Variants in FRYL observed in about 807,000 individuals in gnomAD.
The protein encoded by FRYL is protein furry homolog-like.
A neutral mutation model predicts 351.2 loss-of-function variants in FRYL; 150 were observed. The ratio of observed to expected loss-of-function variants is 0.43; its 90% CI spans 0.37 to 0.49. FRYL has a LOEUF of 0.49. Ranked by LOEUF, FRYL falls within the 20% of genes least tolerant of loss-of-function variation. FRYL has a pLI of 0.00. For synonymous variants in FRYL, 1,153 were observed against 1,257.1 expected (o/e 0.92, Z 1.75); for missense variants, 3,036 against 3,619.3 (o/e 0.84, Z 4.13).
intron 3 of FRYL, among the ~76,000 whole-genome samples, chr4:48,673,301 T>C (rs547964624): frequency 8.5e-5 from 13 of 152,356 alleles, no homozygotes; most frequent in Non-Finnish European, 2.9e-5. Flanking sequence ...TTTTTTCCTA[T>C]TAAAATATAT....
intron 56 of FRYL, among the ~76,000 whole-genome samples, chr4:48,514,671 T>C (rs1305161759): frequency 6.6e-6 from 1 of 152,256 alleles, no homozygotes; most frequent in African/African-American, 2.4e-5. Context: ...ATTCAAATTG[T>C]GGTATCACGG....
At position 48,549,714 on chromosome 4, in the gene FRYL, T is replaced by G; in HGVS notation, c.4634-91A>C. ...TAAGATCCCAACTATTTATATAGTA[T>G]TGGAAAGTGATAAAAAAAATTTCCC... On this transcript the variant is annotated intron_variant, in intron 38 of 63. Transcript: ENST00000358350. The surrounding 1 kb of genome is among the most constrained non-coding windows in gnomAD (Gnocchi z 4.2). 1 of 1,036,752 alleles carries G rather than the reference T, an allele frequency of 9.6e-7. No homozygotes were observed. Among genetic ancestry groups the G allele is most frequent in the Non-Finnish European group, 1.4e-6 (1 of 730,056 alleles). 64.2% of individuals were successfully genotyped at this position (1,036,752 alleles called of 1,614,324 possible). A position where few individuals can be genotyped will look rare whatever the true frequency, so the allele number is the denominator to read the frequency against.
chr4:48,734,292 A>G (rs1482082606), intron 1 of FRYL, among the ~76,000 whole-genome samples: 1 of 152,230 alleles, frequency 6.6e-6, no homozygotes, highest in African/African-American at 2.4e-5. Flanking sequence ...ACTTCAGAGC[A>G]AGGAAAGTTC....
chr4:48,544,007 CAA>C lies in FRYL; in HGVS notation c.5402-12_5402-11del. On this transcript the variant is annotated splice_polypyrimidine_tract_variant and intron_variant, in intron 43 of 63. Coordinates refer to ENST00000358350, the MANE Select transcript of FRYL (RefSeq NM_015030.2). ...TCCAGATGAATTCCTTCTGTGAATG[CAA>C]AGGAAACGAGTAGGTTGTTCTTGTT... is the stretch of plus-strand genomic sequence containing the variant. 6.2e-7 allele frequency: 1 copy of C among 1,611,648 alleles called. No individual in the cohort carries two copies. Among genetic ancestry groups the C allele is most frequent in the Non-Finnish European group, 8.5e-7 (1 of 1,178,170 alleles).
chr4:48,567,795 A>T lies in FRYL; in HGVS notation c.2997-375T>A, dbSNP rs2149090396. 6.6e-6 allele frequency among the ~76,000 whole-genome samples: 1 copy of T among 152,364 alleles called. No individual in the cohort carries two copies. Among genetic ancestry groups the T allele is most frequent in the East Asian group, 1.9e-4 (1 of 5,190 alleles). On this transcript the variant is annotated intron_variant, in intron 27 of 63. Coordinates refer to ENST00000358350, the MANE Select transcript of FRYL (RefSeq NM_015030.2). This position sits in a 1 kb window ranked among gnomAD's most constrained non-coding sequence, Gnocchi z 4.2. ...GAGGAAAGACTAGTTCTATTTATTCATAGCTGCCATGTCTATTCATATTGT... is the reference window on the plus strand; with the variant it reads ...GAGGAAAGACTAGTTCTATTTATTCTTAGCTGCCATGTCTATTCATATTGT...
At chr4:48,530,872 C>T (rs1371498612) in intron 50 of FRYL, among the ~76,000 whole-genome samples, 1 of 152,102 alleles carries the variant, frequency 6.6e-6, no homozygotes, top group Admixed American at 6.6e-5. Flanking sequence ...TAATGTATTC[C>T]AGCCGAGTGT....
chr4:48,508,042 A>C (rs1721656244), intron 59 of FRYL, among the ~76,000 whole-genome samples: 1 of 152,224 alleles, frequency 6.6e-6, no homozygotes, highest in Non-Finnish European at 1.5e-5. Context: ...CAGACAGTAA[A>C]TATTTTAGGC....
intron 7 of FRYL, among the ~76,000 whole-genome samples, chr4:48,614,498 G>T (rs1748930074): frequency 6.6e-6 from 1 of 152,042 alleles, no homozygotes; most frequent in Admixed American, 6.5e-5. Flanking sequence ...AAGGCAAGCG[G>T]ATCACCTGAG....
intron 54 of FRYL, among the ~76,000 whole-genome samples, chr4:48,521,554 G>A (rs1397949198): frequency 1.3e-5 from 2 of 152,242 alleles, no homozygotes; most frequent in African/African-American, 4.8e-5. Context: ...ATGTGGCACG[G>A]TTAAGTGAAT....
At chr4:48,548,087 T>C (rs1731778290) in intron 40 of FRYL, among the ~76,000 whole-genome samples, 1 of 152,214 alleles carries the variant, frequency 6.6e-6, no homozygotes, top group Non-Finnish European at 1.5e-5. Context: ...GTTTTTTGTG[T>C]GCTTAGCACA....
intron 7 of FRYL, among the ~76,000 whole-genome samples, chr4:48,614,814 GCTTTTTTTTTT>G (rs1749053166): frequency 9.5e-6 from 1 of 105,072 alleles, no homozygotes; most frequent in African/African-American, 3.6e-5. Flanking sequence ...AAAGTTTAAT[GCTTTTTTTTTT>G]TTTTTTTTTT....
chr4:48,695,416 G>T (rs549140837), intron 2 of FRYL, among the ~76,000 whole-genome samples: 37 of 152,154 alleles, frequency 2.4e-4, no homozygotes, highest in African/African-American at 8.4e-4. Flanking sequence ...ATGATTACAG[G>T]TAAAAATCAA....
At chr4:48,593,248 T>C (rs1320111081) in intron 16 of FRYL, among the ~76,000 whole-genome samples, 4 of 110,548 alleles carry the variant, frequency 3.6e-5, no homozygotes, top group Admixed American at 1.1e-4. Flanking sequence ...ATATAAACAA[T>C]GTGAAGTAAA....
intron 1 of FRYL, among the ~76,000 whole-genome samples, chr4:48,718,444 G>T (rs1769109698): frequency 6.6e-6 from 1 of 151,350 alleles, no homozygotes; most frequent in South Asian, 2.1e-4. Flanking sequence ...CCAACTGCAG[G>T]TATATTATAT....
At chr4:48,753,559 T>C (rs571604128) in intron 1 of FRYL, among the ~76,000 whole-genome samples, 3 of 152,310 alleles carry the variant, frequency 2.0e-5, no homozygotes, top group South Asian at 2.1e-4. Context: ...TTATTAGATA[T>C]GATTTGCAAA....
chr4:48,714,749 G>A (rs1768548761), intron 1 of FRYL, among the ~76,000 whole-genome samples: 1 of 150,840 alleles, frequency 6.6e-6, no homozygotes, highest in Non-Finnish European at 1.5e-5. Context: ...AGAAAAAGAG[G>A]GAATCCTCCC....
intron 1 of FRYL, among the ~76,000 whole-genome samples, chr4:48,772,611 C>T (rs1775626091): frequency 6.9e-6 from 1 of 144,032 alleles, no homozygotes; most frequent in Non-Finnish European, 1.5e-5. Context: ...AATTATCTTT[C>T]CAGCATTCTT....
chr4:48,621,269 A>G (rs968569113), intron 5 of FRYL, among the ~76,000 whole-genome samples: 1 of 152,230 alleles, frequency 6.6e-6, no homozygotes, highest in Non-Finnish European at 1.5e-5. Context: ...GAGGAGAATT[A>G]TAATTACTCT....
intron 35 of FRYL, among the ~76,000 whole-genome samples, chr4:48,555,086 T>G (rs1393711521): frequency 1.3e-5 from 2 of 152,210 alleles, no homozygotes; most frequent in African/African-American, 4.8e-5. Context: ...GCACCCATAA[T>G]AAGTGCTTAA....
Sources: allele counts gnomAD v4.1 joint callset (sites outside exome capture counted in the v4.1 genomes callset), GRCh38; gene constraint gnomAD v4.1.1; non-coding constraint Gnocchi (gnomAD v3.1); transcripts MANE v1.5; gene names NCBI Gene and HGNC (gene_info 2026-07-23, HGNC 2026-07-21).